LCN2: variants seen among roughly 807,000 people sequenced by gnomAD.
LCN2 encodes the protein lipocalin 2.
A neutral mutation model predicts 26.4 loss-of-function variants in LCN2; 27 were observed. The observed-to-expected ratio is 1.02, with a 90% CI of 0.76 to 1.41. The LOEUF is 1.41. LCN2 is among the 40% of genes most tolerant of loss of function. The pLI is 0.00. For synonymous variants in LCN2, 94 were observed against 98.9 expected, an observed-to-expected ratio of 0.95 and a Z score of 0.30; for missense variants, 224 against 237.6, an observed-to-expected ratio of 0.94 and a Z score of 0.38.
rs1052279240 is a variant in LCN2, at chr9:128,153,149, G to A, written c.*7+23G>A. 1.2e-5 allele frequency: 19 copies of A among 1,613,718 alleles called. No individual in the cohort carries two copies. Among genetic ancestry groups the A allele is most frequent in the African/African-American group, 4.0e-5 (3 of 74,882 alleles). On this transcript the variant is annotated intron_variant, in intron 6 of 6. Coordinates refer to ENST00000277480, the MANE Select transcript of LCN2 (RefSeq NM_005564.5). This position sits in a 1 kb window ranked among gnomAD's most constrained non-coding sequence, Gnocchi z 5.4. Reference sequence around the variant, plus strand: ...ACAGTGAGTGTGGCTGGGCGGCTGCGAGGGGGCTTGTGGGAGGCCAGGGTG... The same window carrying A: ...ACAGTGAGTGTGGCTGGGCGGCTGCAAGGGGGCTTGTGGGAGGCCAGGGTG...
rs762001834 is a variant in LCN2, at chr9:128,152,272, C to T, written c.565C>T (p.Pro189Ser). 1.1e-5 allele frequency: 17 copies of T among 1,613,830 alleles called. No individual in the cohort carries two copies. Among genetic ancestry groups the T allele is most frequent in the Middle Eastern group, 3.3e-4 (2 of 6,082 alleles). The change falls in exon 5 of 7, where the codon CCT becomes TCT. Residue 189 changes from proline to serine, a missense_variant. By Grantham distance (74) the Pro-to-Ser change is moderately conservative. Transcript: ENST00000277480. ...LGLPENHIVF[P>S]VPIDQCIDG ...CCTCCCTGAAAACCACATCGTCTTC[C>T]CTGTCCCAATCGGTAATGGCCAGTC...
Position 128,152,736 on chromosome 9 carries a change from G to C in LCN2, c.578-364G>C, listed in dbSNP as rs77206335. ...ACTTGGGAGCTGTCCTTGACTCCAG[G>C]GAGCCTGGCTTGGGCAGGAGGCTCC... On this transcript the variant is annotated intron_variant, in intron 5 of 6. Transcript: ENST00000277480. Among the ~76,000 whole-genome samples the C allele has an allele frequency of 1.8e-3, 280 of 152,276 alleles. 1 individual carries two copies. The highest frequency in any genetic ancestry group is 6.6e-3 in the African/African-American group (273 of 41,562).
chr9:128,152,102 A>G lies in LCN2; in HGVS notation c.475+77A>G, dbSNP rs934510881. On this transcript the variant is annotated intron_variant, in intron 4 of 6. Transcript: ENST00000277480. ...GAGGGGAGGCCGGTCCCCCATGAGG[A>G]AGGGATCTGAGGCCTCATCTACTCA... 3.1e-6 allele frequency: 5 copies of G among 1,608,442 alleles called. No homozygotes were observed. In the African/African-American group the frequency reaches 5.4e-5, roughly 17 times the overall value.
rs759076859 is a variant in LCN2, at chr9:128,152,034, T to C, written c.475+9T>C. 2.9e-5 allele frequency: 47 copies of C among 1,613,872 alleles called. No homozygotes were observed. The highest frequency in any genetic ancestry group is 3.9e-5 in the Non-Finnish European group (46 of 1,179,938). Reference sequence around the variant, plus strand: ...CAAGATCACCCTCTACGGTGGGTCCTCTCCCATCCCCTCGGGGACTGGCTC... The same window carrying C: ...CAAGATCACCCTCTACGGTGGGTCCCCTCCCATCCCCTCGGGGACTGGCTC... On this transcript the variant is annotated intron_variant, in intron 4 of 6. Coordinates refer to ENST00000277480, the MANE Select transcript of LCN2 (RefSeq NM_005564.5).
At chr9:128,152,398 C>G in intron 5 of LCN2, 114 bp downstream of exon 5, 2 of 910,714 alleles carry the variant, frequency 2.2e-6, no homozygotes, top group Non-Finnish European at 3.4e-6. Context: ...GTCACTGGAG[C>G]AGTGGATGGT....
At position 128,153,286 on chromosome 9, in the gene LCN2, C is replaced by T. The variant is rs1829159241; in HGVS notation, c.*8-25C>T. 1 of 821,406 alleles carries T rather than the reference C, an allele frequency of 1.2e-6. No individual in the cohort carries two copies. The highest frequency in any genetic ancestry group is 1.5e-5 in the South Asian group (1 of 67,798). 50.9% of individuals were successfully genotyped at this position (821,406 alleles called of 1,614,324 possible). On this transcript the variant is annotated intron_variant, in intron 6 of 6. Transcript: ENST00000277480. This position sits in a 1 kb window ranked among gnomAD's most constrained non-coding sequence, Gnocchi z 5.4. Reference sequence around the variant, plus strand: ...GGGTGCCTCCCATTTCCCCACCCATCACCCTCATATCCACCTCTGTCCAGG... The same window carrying T: ...GGGTGCCTCCCATTTCCCCACCCATTACCCTCATATCCACCTCTGTCCAGG...
chr9:128,152,385 T>C, intron 5 of LCN2, 101 bp downstream of exon 5: 7 of 1,021,088 alleles, frequency 6.9e-6, no homozygotes, highest in Non-Finnish European at 9.0e-6. Context: ...GTCCTCAGCT[T>C]CAGTCACTGG....
rs200930213 is a variant in LCN2 at position 128,153,142 on chromosome 9, C to A, written c.*7+16C>A. ...TGAGTGCACAGTGAGTGTGGCTGGGCGGCTGCGAGGGGGCTTGTGGGAGGC... is the reference window on the plus strand; with the variant it reads ...TGAGTGCACAGTGAGTGTGGCTGGGAGGCTGCGAGGGGGCTTGTGGGAGGC... On this transcript the variant is annotated intron_variant, in intron 6 of 6. Transcript: ENST00000277480. The surrounding 1 kb of genome is among the most constrained non-coding windows in gnomAD (Gnocchi z 5.4). The A allele has an allele frequency of 6.2e-7, 1 of 1,613,950 alleles. No individual in the cohort carries two copies. Among genetic ancestry groups the A allele is most frequent in the East Asian group, 2.2e-5 (1 of 44,878 alleles).
chr9:128,153,139 G>C lies in LCN2; in HGVS notation c.*7+13G>C, dbSNP rs761015907. On this transcript the variant is annotated intron_variant, in intron 6 of 6. Coordinates refer to ENST00000277480, the MANE Select transcript of LCN2 (RefSeq NM_005564.5). This position sits in a 1 kb window ranked among gnomAD's most constrained non-coding sequence, Gnocchi z 5.4. ...GGCTGAGTGCACAGTGAGTGTGGCT[G>C]GGCGGCTGCGAGGGGGCTTGTGGGA... 2.7e-5 allele frequency: 43 copies of C among 1,614,018 alleles called. No homozygotes were observed. The highest frequency in any genetic ancestry group is 3.6e-5 in the Non-Finnish European group (43 of 1,179,974).
Position 128,150,266 on chromosome 9 carries a change from T to C in LCN2, c.167T>C (p.Leu56Pro). ...QFQGKWYVVG[L>P]AGNAILREDK... Reference sequence around the variant, plus strand: ...CAGGGGAAGTGGTATGTGGTAGGCCTGGCAGGGAATGCAATTCTCAGAGAA... The same window carrying C: ...CAGGGGAAGTGGTATGTGGTAGGCCCGGCAGGGAATGCAATTCTCAGAGAA... Residue 56 changes from leucine to proline, a missense_variant, in exon 2 of 7, where the codon CTG becomes CCG. Coordinates refer to ENST00000277480, the MANE Select transcript of LCN2 (RefSeq NM_005564.5). The C allele has an allele frequency of 6.2e-7, 1 of 1,614,130 alleles. No homozygotes were observed. Among genetic ancestry groups the C allele is most frequent in the Non-Finnish European group, 8.5e-7 (1 of 1,180,026 alleles).
intron 1 of LCN2, 85 bp from the exon 2 acceptor site, chr9:128,150,153 C>T (rs199990881): frequency 3.6e-5 from 55 of 1,520,380 alleles, no homozygotes; most frequent in Non-Finnish European, 4.6e-5. Flanking sequence ...CCAAGCTGGG[C>T]GGCCCAGAGG....
chr9:128,152,762 A>G (rs1440762703), intron 5 of LCN2, among the ~76,000 whole-genome samples: 1 of 152,108 alleles, frequency 6.6e-6, no homozygotes, highest in Non-Finnish European at 1.5e-5. Flanking sequence ...AGGAGGCTCC[A>G]GCCAGGCCAT....
intron 2 of LCN2, 40 bp from the exon 3 acceptor site, chr9:128,151,598 G>A (rs747949624): frequency 1.9e-6 from 3 of 1,547,664 alleles, no homozygotes; most frequent in South Asian, 1.1e-5. Context: ...CCCAAGCCTG[G>A]GTTGTCTCCC....
chr9:128,150,494 A>T, intron 2 of LCN2, 120 bp downstream of exon 2: 1 of 1,323,156 alleles, frequency 7.6e-7, no homozygotes, highest in East Asian at 2.3e-5. Flanking sequence ...ATCTGTGTTC[A>T]TCCTTCCTCT....
chr9:128,150,581 T>A (rs1466732135), intron 2 of LCN2: 1 of 723,762 alleles, frequency 1.4e-6, no homozygotes, highest in South Asian at 1.5e-5. Context: ...GCACAGTCGT[T>A]AGAAAACAAG....
At chr9:128,152,350 AG>A (rs1829140917) in intron 5 of LCN2, 66 bp downstream of exon 5, 3 of 1,385,508 alleles carry the variant, frequency 2.2e-6, no homozygotes, top group Middle Eastern at 4.1e-4. Context: ...CTTCCCTACC[AG>A]GGATCAGGGA....
At chr9:128,149,730 G>A (rs971529179) in intron 1 of LCN2, 67 bp downstream of exon 1, 1 of 1,590,284 alleles carries the variant, frequency 6.3e-7, no homozygotes, top group East Asian at 2.2e-5. Context: ...GGGAGGAGAG[G>A]TGAAGAGACT....
intron 3 of LCN2, 64 bp downstream of exon 3, chr9:128,151,781 C>T (rs1442759045): frequency 5.7e-6 from 9 of 1,580,268 alleles, no homozygotes; most frequent in South Asian, 4.4e-5. Context: ...GGGCACAGAC[C>T]TTCCTGCCCC....
At chr9:128,152,110 T>C in intron 4 of LCN2, 73 bp from the exon 5 acceptor site, 3 of 1,606,870 alleles carry the variant, frequency 1.9e-6, no homozygotes, top group African/African-American at 2.7e-5. Flanking sequence ...GGAAGGGATC[T>C]GAGGCCTCAT....
Sources: gnomAD v4.1 joint callset for allele counts (sites outside exome capture counted in the v4.1 genomes callset) on GRCh38, gnomAD v4.1.1 for gene constraint, Gnocchi (gnomAD v3.1) non-coding constraint, MANE v1.5 for transcripts, NCBI Gene and HGNC (gene_info 2026-07-23, HGNC 2026-07-21) for gene names.